Variants in CERS6 observed in about 807,000 individuals in gnomAD.
CERS6 encodes the protein ceramide synthase 6, also known as LAG1 homolog, ceramide synthase 6.
Under a neutral mutation model 56.8 loss-of-function variants are expected in CERS6, and 26 were observed. The observed-to-expected ratio is 0.46, with a 90% CI of 0.34 to 0.63. The LOEUF is 0.63. Among genes scored for constraint, CERS6 ranks in the 30% least tolerant of loss-of-function variants. The pLI is 0.01. For missense variants in CERS6, 415 were observed against 467.5 expected, an observed-to-expected ratio of 0.89 and a Z score of 1.04; for synonymous variants, 164 against 173.3, an observed-to-expected ratio of 0.95 and a Z score of 0.42.
At chr2:168,472,067 TC>T (rs1235238800) in intron 1 of CERS6, among the ~76,000 whole-genome samples, 10 of 152,152 alleles carry the variant, frequency 6.6e-5, no homozygotes, top group African/African-American at 2.4e-4. Flanking sequence ...TAAAATTCCA[TC>T]TTGGAGAAAC....
chr2:168,709,655 GTC>G (rs1236451224), intron 6 of CERS6, among the ~76,000 whole-genome samples: 3 of 152,112 alleles, frequency 2.0e-5, no homozygotes, highest in African/African-American at 7.2e-5. Flanking sequence ...AGAAATCACA[GTC>G]TCTCTCTTTA....
chr2:168,661,689 G>T (rs1387090390), intron 4 of CERS6, among the ~76,000 whole-genome samples: 2 of 152,266 alleles, frequency 1.3e-5, no homozygotes, highest in Admixed American at 6.5e-5. Context: ...GTTGACAGGG[G>T]TATTTAGCTA....
chr2:168,590,951 T>C (rs1193921974), intron 3 of CERS6, among the ~76,000 whole-genome samples: 1 of 152,266 alleles, frequency 6.6e-6, no homozygotes, highest in Non-Finnish European at 1.5e-5. Flanking sequence ...ATTTGCATCT[T>C]GCTGCCTCGT....
chr2:168,610,487 A>C (rs200229925), intron 3 of CERS6, among the ~76,000 whole-genome samples: 1 of 152,198 alleles, frequency 6.6e-6, no homozygotes, highest in Non-Finnish European at 1.5e-5. Flanking sequence ...TGTTAGCATA[A>C]TAACAAATAG....
chr2:168,486,956 T>A (rs570722821), intron 1 of CERS6, among the ~76,000 whole-genome samples: 1 of 152,244 alleles, frequency 6.6e-6, no homozygotes, highest in African/African-American at 2.4e-5. Context: ...ATAGTCCACT[T>A]AATGATTTTT....
intron 4 of CERS6, among the ~76,000 whole-genome samples, chr2:168,657,535 T>G (rs1299542739): frequency 5.3e-5 from 8 of 151,822 alleles, no homozygotes; most frequent in Non-Finnish European, 7.4e-5. Flanking sequence ...GCCCATGGAG[T>G]GGGTGGGAGG....
At chr2:168,694,567 A>G (rs1162704798) in intron 5 of CERS6, among the ~76,000 whole-genome samples, 2 of 152,190 alleles carry the variant, frequency 1.3e-5, no homozygotes, top group African/African-American at 2.4e-5. Flanking sequence ...TCCAGTTCCT[A>G]TCACCTACTG....
intron 3 of CERS6, among the ~76,000 whole-genome samples, chr2:168,588,374 A>G (rs1487203784): frequency 6.6e-6 from 1 of 152,088 alleles, no homozygotes; most frequent in East Asian, 1.9e-4. Context: ...TTTATCTTGC[A>G]AAACTGAAAT....
intron 3 of CERS6, among the ~76,000 whole-genome samples, chr2:168,585,768 A>G (rs1381944264): frequency 6.6e-6 from 1 of 152,190 alleles, no homozygotes; most frequent in African/African-American, 2.4e-5. Flanking sequence ...TCATAAAGAC[A>G]GAGTAGAAGT....
At chr2:168,530,547 C>T (rs529302164) in intron 1 of CERS6, among the ~76,000 whole-genome samples, 1 of 152,268 alleles carries the variant, frequency 6.6e-6, no homozygotes, top group African/African-American at 2.4e-5. Context: ...ATGCAGAATA[C>T]AGGAACATAT....
chr2:168,522,254 G>T (rs990147448), intron 1 of CERS6, among the ~76,000 whole-genome samples: 1 of 152,158 alleles, frequency 6.6e-6, no homozygotes, highest in African/African-American at 2.4e-5. Flanking sequence ...AGAACTGGGT[G>T]GATGCAGGTA....
At chr2:168,658,323 G>A (rs1327932263) in intron 4 of CERS6, among the ~76,000 whole-genome samples, 3 of 152,142 alleles carry the variant, frequency 2.0e-5, no homozygotes, top group East Asian at 3.9e-4. Context: ...CGGCTCCCCG[G>A]CCTGGTCAAA....
intron 4 of CERS6, among the ~76,000 whole-genome samples, chr2:168,680,853 A>G (rs1463828812): frequency 6.6e-6 from 1 of 152,220 alleles, no homozygotes; most frequent in Non-Finnish European, 1.5e-5. Context: ...TGTTCTTTAC[A>G]AGTTAGTCTG....
At position 168,490,437 on chromosome 2, in the gene CERS6, A is replaced by G. The variant is rs115056737; in HGVS notation, c.170+33819A>G. On this transcript the variant is annotated intron_variant, in intron 1 of 9. Transcript: ENST00000305747. Reference sequence around the variant, plus strand: ...TGCTCCAGGACATAGCTGCCAGAATAAAAGAAAAAACAAAACCAAACAAAA... The same window carrying G: ...TGCTCCAGGACATAGCTGCCAGAATGAAAGAAAAAACAAAACCAAACAAAA... 5.8e-3 allele frequency among the ~76,000 whole-genome samples: 879 copies of G among 152,244 alleles called. 5 individuals carry two copies. Among genetic ancestry groups the G allele is most frequent in the Non-Finnish European group, 9.1e-3 (617 of 68,014 alleles).
In CERS6 at chr2:168,561,270, C is replaced by G. The variant is rs138982215; in HGVS notation, c.355C>G (p.Gln119Glu). 503 of 1,613,972 alleles carry G rather than the reference C, an allele frequency of 3.1e-4. 1 individual carries two copies. The highest frequency in any genetic ancestry group is 4.1e-4 in the Non-Finnish European group (482 of 1,179,992). Reference sequence around the variant, plus strand: ...TCGAAGCATTCAGCGCTGGTTTCGACAAAGACGCAATCAGGAGAAGCCAAG... The same window carrying G: ...TCGAAGCATTCAGCGCTGGTTTCGAGAAAGACGCAATCAGGAGAAGCCAAG... The part of the protein sequence containing the change: ...DVRSIQRWFR[Q>E]RRNQEKPSTL... Residue 119 changes from glutamine to glutamate, a missense_variant, in exon 3 of 10, where the codon CAA becomes GAA. Gln to Glu is a conservative substitution (Grantham distance 29). Coordinates refer to ENST00000305747, the MANE Select transcript of CERS6 (RefSeq NM_203463.3).
chr2:168,703,963 G>A (rs1010503915), intron 6 of CERS6, among the ~76,000 whole-genome samples: 3 of 152,178 alleles, frequency 2.0e-5, no homozygotes, highest in African/African-American at 7.2e-5. Context: ...TGTGATCAAA[G>A]CATTGCAAGC....
At chr2:168,494,431 G>A (rs1694427584) in intron 1 of CERS6, among the ~76,000 whole-genome samples, 1 of 152,096 alleles carries the variant, frequency 6.6e-6, no homozygotes, top group Non-Finnish European at 1.5e-5. Context: ...GGATAAAAAT[G>A]GTGTGTATCT....
chr2:168,616,836 A>G (rs987864003), intron 3 of CERS6, among the ~76,000 whole-genome samples: 1 of 152,148 alleles, frequency 6.6e-6, no homozygotes, highest in Non-Finnish European at 1.5e-5. Context: ...TCAAGACAGA[A>G]AGTCAACAAA....
chr2:168,698,603 C>T (rs1044368548), intron 6 of CERS6, among the ~76,000 whole-genome samples: 8 of 152,138 alleles, frequency 5.3e-5, no homozygotes, highest in Non-Finnish European at 1.2e-4. Flanking sequence ...CACCAGGCCC[C>T]TTCATATTTG....
Sources: gnomAD v4.1 joint callset for allele counts (sites outside exome capture counted in the v4.1 genomes callset) on GRCh38, gnomAD v4.1.1 for gene constraint, MANE v1.5 for transcripts, NCBI Gene and HGNC (gene_info 2026-07-23, HGNC 2026-07-21) for gene names.